Variants in BMPR2 observed in about 807,000 individuals in gnomAD.
BMPR2 encodes bone morphogenetic protein receptor type 2.
BMPR2 carries 29 observed loss-of-function variants against 100.8 expected under a neutral mutation model. The observed-to-expected ratio is 0.29, with a 90% CI of 0.21 to 0.39. The LOEUF (loss-of-function observed/expected upper bound fraction) is 0.39. Among genes scored for constraint, BMPR2 ranks in the 10% least tolerant of loss-of-function variants. The pLI, the probability that BMPR2 is intolerant of heterozygous loss-of-function variation, is 1.00. For synonymous variants in BMPR2, 382 were observed against 442.3 expected, an observed-to-expected ratio of 0.86 and a Z score of 1.71; for missense variants, 1,011 against 1,274.5, an observed-to-expected ratio of 0.79 and a Z score of 3.15.
chr2:202,399,479 G>A (rs1053973676), intron 1 of BMPR2, among the ~76,000 whole-genome samples: 6 of 152,192 alleles, frequency 3.9e-5, no homozygotes, highest in Non-Finnish European at 8.8e-5. Context: ...GCAGGCAGGA[G>A]CCAAATCATT....
chr2:202,469,423 A>G, intron 3 of BMPR2: 1 of 220,222 alleles, frequency 4.5e-6, no homozygotes, highest in South Asian at 5.2e-5. Context: ...GGAAAGGAGA[A>G]AAATTCTTCA....
chr2:202,472,350 C>A (rs1692453487), intron 3 of BMPR2, among the ~76,000 whole-genome samples: 2 of 152,186 alleles, frequency 1.3e-5, no homozygotes, highest in Non-Finnish European at 2.9e-5. Flanking sequence ...TTCACTTGTA[C>A]TTCTAGCTAG....
At chr2:202,537,358 A>C (rs1476819966) in intron 9 of BMPR2, among the ~76,000 whole-genome samples, 2 of 152,256 alleles carry the variant, frequency 1.3e-5, no homozygotes, top group East Asian at 3.8e-4. Flanking sequence ...TACTGTGTTC[A>C]AAGAATGACT....
intron 1 of BMPR2, among the ~76,000 whole-genome samples, chr2:202,426,612 T>C (rs1691391148): frequency 1.4e-5 from 2 of 145,212 alleles, no homozygotes; most frequent in Admixed American, 7.0e-5. Flanking sequence ...CTGGGTGTGG[T>C]GGCTCATGTC....
chr2:202,534,991 C>CCGCCACCTCCCTCCCGGACGGGGCGG (rs1174426070), intron 9 of BMPR2, among the ~76,000 whole-genome samples: 2 of 127,912 alleles, frequency 1.6e-5, no homozygotes, highest in Admixed American at 7.7e-5. Flanking sequence ...TGGCTGACCC[C>CCGCCACCTCCCTCCCGGACGGGGCGG]CTGCCACCTC....
intron 2 of BMPR2, among the ~76,000 whole-genome samples, chr2:202,465,494 C>T (rs181609318): frequency 3.9e-5 from 6 of 152,206 alleles, no homozygotes; most frequent in East Asian, 1.9e-4. Context: ...TATACATGCC[C>T]GTTCTATGAA....
At chr2:202,493,819 CT>C (rs1692962229) in intron 3 of BMPR2, among the ~76,000 whole-genome samples, 1 of 152,112 alleles carries the variant, frequency 6.6e-6, no homozygotes, top group Non-Finnish European at 1.5e-5. Flanking sequence ...CAGTTTTTCA[CT>C]GTTTCTTTCA....
At chr2:202,457,344 C>A (rs557315100) in intron 1 of BMPR2, among the ~76,000 whole-genome samples, 1 of 150,404 alleles carries the variant, frequency 6.6e-6, no homozygotes, top group Non-Finnish European at 1.5e-5. Context: ...TTTTTTTGTG[C>A]TCAGCCTTAA....
chr2:202,386,919 G>A (rs1233927550), intron 1 of BMPR2, among the ~76,000 whole-genome samples: 4 of 152,054 alleles, frequency 2.6e-5, no homozygotes, highest in Non-Finnish European at 2.9e-5. Context: ...TCCTGACCTC[G>A]TGATCTGCCC....
chr2:202,509,504 T>A (rs1202523946), intron 3 of BMPR2, among the ~76,000 whole-genome samples: 4 of 151,866 alleles, frequency 2.6e-5, no homozygotes, highest in Admixed American at 2.6e-4. Flanking sequence ...ATTAGTTAGC[T>A]ATATGCAATG....
At position 202,503,287 on chromosome 2, in the gene BMPR2, TGAG is replaced by T. The variant is rs1559057875; in HGVS notation, c.419-10428_419-10426del. On this transcript the variant is annotated intron_variant, in intron 3 of 12. Coordinates refer to ENST00000374580, the MANE Select transcript of BMPR2 (RefSeq NM_001204.7). This position sits in a 1 kb window ranked among gnomAD's most constrained non-coding sequence, Gnocchi z 4.0. ...CCTGGGCTCCCACTTTGGCGGCACT[TGAG>T]GAGCCCTTCAGCCCACCACTGCATT... 6.6e-6 allele frequency among the ~76,000 whole-genome samples: 1 copy of T among 152,324 alleles called. No individual in the cohort carries two copies. Among genetic ancestry groups the T allele is most frequent in the South Asian group, 2.1e-4 (1 of 4,830 alleles).
At chr2:202,408,044 A>C (rs1156406287) in intron 1 of BMPR2, among the ~76,000 whole-genome samples, 2 of 151,958 alleles carry the variant, frequency 1.3e-5, no homozygotes, top group East Asian at 3.9e-4. Flanking sequence ...CGTGTTAGCC[A>C]GGATGGTCTC....
intron 1 of BMPR2, among the ~76,000 whole-genome samples, chr2:202,458,066 C>G (rs1256970168): frequency 6.6e-6 from 1 of 151,960 alleles, no homozygotes; most frequent in East Asian, 1.9e-4. Context: ...TGGACACCTT[C>G]AGTTTAAATG....
At chr2:202,492,708 AAAAAAAAAAAAAAAACCAAAAAAAAAAAC>A (rs1692929524) in intron 3 of BMPR2, among the ~76,000 whole-genome samples, 3 of 149,598 alleles carry the variant, frequency 2.0e-5, no homozygotes, top group Non-Finnish European at 4.5e-5. Context: ...CTCAAAAAAA[AAAAAAAAAAAAAAAACCAAAAAAAAAAAC>A]AAAAAGGAAA....
chr2:202,526,784 C>T (rs1276698605), intron 7 of BMPR2, among the ~76,000 whole-genome samples: 1 of 152,142 alleles, frequency 6.6e-6, no homozygotes, highest in Non-Finnish European at 1.5e-5. Flanking sequence ...GCTAATGTTA[C>T]CACTAAATAA....
At chr2:202,537,710 A>G (rs1019490562) in intron 9 of BMPR2, among the ~76,000 whole-genome samples, 2 of 152,190 alleles carry the variant, frequency 1.3e-5, no homozygotes, top group African/African-American at 4.8e-5. Flanking sequence ...AAAAAAATAA[A>G]GGAATAAGAA....
intron 1 of BMPR2, among the ~76,000 whole-genome samples, chr2:202,442,313 GTT>G (rs1176330684): frequency 6.7e-6 from 1 of 150,328 alleles, no homozygotes; most frequent in Non-Finnish European, 1.5e-5. Context: ...TTTACTTTCT[GTT>G]TCAGTATCTT....
At chr2:202,484,649 G>T (rs1434827205) in intron 3 of BMPR2, among the ~76,000 whole-genome samples, 1 of 146,894 alleles carries the variant, frequency 6.8e-6, no homozygotes, top group African/African-American at 2.5e-5. Context: ...CTCCAGCCTG[G>T]GCGACACAGC....
intron 10 of BMPR2, among the ~76,000 whole-genome samples, chr2:202,544,810 G>T (rs1458571216): frequency 1.5e-5 from 2 of 134,510 alleles, no homozygotes; most frequent in Non-Finnish European, 3.1e-5. Context: ...TGTCATTCTG[G>T]CTGGAGTATA....
Sources: allele counts gnomAD v4.1 joint callset (sites outside exome capture counted in the v4.1 genomes callset), GRCh38; gene constraint gnomAD v4.1.1; non-coding constraint Gnocchi (gnomAD v3.1); transcripts MANE v1.5; gene names NCBI Gene and HGNC (gene_info 2026-07-23, HGNC 2026-07-21).